Variants in ACTN2 observed in about 807,000 individuals in gnomAD.
ACTN2 encodes the protein actinin alpha 2.
In ACTN2, 39 loss-of-function variants were observed where a neutral mutation model predicts 113.8. The observed-to-expected ratio is 0.34, with a 90% confidence interval of 0.27 to 0.45. ACTN2 has a LOEUF of 0.45. Among genes scored for constraint, ACTN2 ranks in the 20% least tolerant of loss-of-function variants. The pLI is 1.00. For synonymous variants in ACTN2, 429 were observed against 444.1 expected (o/e 0.97, Z 0.43); for missense variants, 992 against 1,177.9 (o/e 0.84, Z 2.31).
intron 14 of ACTN2, among the ~76,000 whole-genome samples, chr1:236,750,649 C>G (rs1285787399): frequency 6.6e-6 from 1 of 152,162 alleles, no homozygotes; most frequent in Non-Finnish European, 1.5e-5. Context: ...ATAAATGGCT[C>G]TTTAGAGAGC....
chr1:236,758,311 G>C (rs1205455883), intron 18 of ACTN2, among the ~76,000 whole-genome samples: 2 of 128,912 alleles, frequency 1.6e-5, no homozygotes, highest in African/African-American at 6.4e-5. Flanking sequence ...TAATGAGACG[G>C]AGTCTCGCTC....
intron 9 of ACTN2, 47 bp downstream of exon 9, chr1:236,737,261 G>A (rs1658907962): frequency 1.6e-6 from 2 of 1,260,934 alleles, no homozygotes. Context: ...TCACGCAGGG[G>A]CTGAGGCACA....
intron 1 of ACTN2, among the ~76,000 whole-genome samples, chr1:236,705,688 T>C (rs142953142): frequency 3.8e-4 from 58 of 152,386 alleles, no homozygotes; most frequent in African/African-American, 1.3e-3. Flanking sequence ...CTGTATAAAG[T>C]TGCCTTATCA....
intron 9 of ACTN2, among the ~76,000 whole-genome samples, chr1:236,738,219 G>A (rs1658950035): frequency 6.6e-6 from 1 of 152,242 alleles, no homozygotes; most frequent in Admixed American, 6.5e-5. Context: ...GTGGTAGCCT[G>A]GCTGGCCTTG....
chr1:236,727,769 G>GGCCT lies in ACTN2; in HGVS notation c.615+15_615+18dup. 1 of 1,613,866 alleles carries GGCCT rather than the reference G, an allele frequency of 6.2e-7. No homozygotes were observed. Among genetic ancestry groups the GGCCT allele is most frequent in the Non-Finnish European group, 8.5e-7 (1 of 1,179,844 alleles). On this transcript the variant is annotated intron_variant, in intron 6 of 20. Transcript: ENST00000366578. ...AAAGCTTAACAAGGTTATTCTGGGT[G>GGCCT]GCCTGGCATGCAGTGTCCCCAGCCA...
At chr1:236,737,078 T>C in intron 8 of ACTN2, 44 bp from the exon 9 acceptor site, 1 of 1,522,832 alleles carries the variant, frequency 6.6e-7, no homozygotes. Flanking sequence ...TGTGTGCGCA[T>C]TCCCGTCGAC....
chr1:236,736,432 G>T, intron 8 of ACTN2: 1 of 626,624 alleles, frequency 1.6e-6, no homozygotes, highest in Non-Finnish European at 2.7e-6. Flanking sequence ...CCAGAAGCCA[G>T]TTAGGCAAGC....
intron 12 of ACTN2, among the ~76,000 whole-genome samples, chr1:236,746,364 A>G (rs1021268716): frequency 6.6e-6 from 1 of 152,146 alleles, no homozygotes; most frequent in Non-Finnish European, 1.5e-5. Flanking sequence ...AGTTTTGTAC[A>G]GGATTCAAAC....
intron 4 of ACTN2, among the ~76,000 whole-genome samples, chr1:236,721,953 C>A (rs946014776): frequency 6.6e-6 from 1 of 151,830 alleles, no homozygotes; most frequent in Non-Finnish European, 1.5e-5. Flanking sequence ...TTAACATGCC[C>A]AAAGCAAGAT....
chr1:236,711,250 G>C (rs1304941156), intron 1 of ACTN2, among the ~76,000 whole-genome samples: 3 of 152,242 alleles, frequency 2.0e-5, no homozygotes, highest in Non-Finnish European at 4.4e-5. Flanking sequence ...TAGTGAGACT[G>C]TCTTCCACCG....
chr1:236,724,275 G>A (rs549072992), intron 4 of ACTN2, among the ~76,000 whole-genome samples: 8 of 152,264 alleles, frequency 5.3e-5, no homozygotes, highest in African/African-American at 9.6e-5. Context: ...CCCCACCCTC[G>A]TGACCTCATC....
chr1:236,710,505 A>T (rs1657992057), intron 1 of ACTN2, among the ~76,000 whole-genome samples: 1 of 152,248 alleles, frequency 6.6e-6, no homozygotes, highest in South Asian at 2.1e-4. Context: ...TGACAATTGT[A>T]GCCAGCAAAT....
intron 7 of ACTN2, among the ~76,000 whole-genome samples, chr1:236,733,902 G>A (rs980139483): frequency 6.6e-6 from 1 of 152,170 alleles, no homozygotes; most frequent in Non-Finnish European, 1.5e-5. Context: ...GTTATTTGTA[G>A]CAAAAACTGG....
chr1:236,749,430 G>C (rs1659330689), intron 14 of ACTN2, among the ~76,000 whole-genome samples, 166 bp downstream of exon 14: 1 of 152,144 alleles, frequency 6.6e-6, no homozygotes, highest in Non-Finnish European at 1.5e-5. Flanking sequence ...AATGTGTTTA[G>C]TACTCTGTGT....
chr1:236,756,688 G>A (rs377319369), intron 17 of ACTN2, among the ~76,000 whole-genome samples: 124 of 3,010 alleles, frequency 0.041, 9 homozygotes, highest in African/African-American at 0.12. Flanking sequence ...CGCTGCCACC[G>A]TTAGAACCCT....
At position 236,760,893 on chromosome 1, in the gene ACTN2, G is replaced by A. The variant is rs545238709; in HGVS notation, c.2368-122G>A. 13 of 1,251,048 alleles carry A rather than the reference G, an allele frequency of 1.0e-5. No homozygotes were observed. The East Asian group carries it at 1.2e-4, about 11-fold the overall frequency. The allele number at this position is 1,251,048 out of a possible 1,614,324, so 77.5% of individuals were successfully genotyped here. On this transcript the variant is annotated intron_variant, in intron 19 of 20. Transcript: ENST00000366578. ...TCTTGTCCAAAGACTGAAGGGAAAC[G>A]CAGGTAATAATTCAGTTTTCAGACA...
At chr1:236,715,356 A>G (rs1232286291) in intron 1 of ACTN2, among the ~76,000 whole-genome samples, 1 of 132,598 alleles carries the variant, frequency 7.5e-6, no homozygotes, top group Non-Finnish European at 1.5e-5. Context: ...GAAACCTATT[A>G]CTCATTCAAA....
intron 18 of ACTN2, among the ~76,000 whole-genome samples, chr1:236,758,230 C>CT (rs1302725440): frequency 3.3e-5 from 5 of 151,218 alleles, no homozygotes; most frequent in Non-Finnish European, 5.9e-5. Context: ...TGAGAAAATA[C>CT]TATTTACTAA....
intron 15 of ACTN2, among the ~76,000 whole-genome samples, chr1:236,752,326 G>C (rs192704195): frequency 6.6e-6 from 1 of 152,066 alleles, no homozygotes. Flanking sequence ...AAAAACACAC[G>C]TGCTGCAAGT....
Sources: gnomAD v4.1 joint callset for allele counts (sites outside exome capture counted in the v4.1 genomes callset) on GRCh38, gnomAD v4.1.1 for gene constraint, MANE v1.5 for transcripts, NCBI Gene and HGNC (gene_info 2026-07-23, HGNC 2026-07-21) for gene names.